The following CADPS2 variants were observed in gnomAD, a reference collection of about 807,000 sequenced individuals.
The protein encoded by CADPS2 is calcium-dependent secretion activator 2.
CADPS2 carries 93 observed loss-of-function variants against 172.5 expected under a neutral mutation model. The observed-to-expected ratio is 0.54, with a 90% CI of 0.46 to 0.64. CADPS2 has a LOEUF of 0.64. Among genes scored for constraint, CADPS2 ranks in the 30% least tolerant of loss-of-function variants. CADPS2 has a pLI of 0.00. For missense variants in CADPS2, 1,420 were observed against 1,565.9 expected (o/e 0.91, Z 1.57); for synonymous variants, 546 against 555.2 (o/e 0.98, Z 0.23).
chr7:122,389,907 AT>A (rs931112975), intron 22 of CADPS2, among the ~76,000 whole-genome samples: 1 of 152,094 alleles, frequency 6.6e-6, no homozygotes, highest in Admixed American at 6.6e-5. Context: ...TTAAAAAAAA[AT>A]AAATTGTTTA....
At chr7:122,708,520 GATATATATATATATATATATATATATAT>G (rs57522086) in intron 2 of CADPS2, among the ~76,000 whole-genome samples, 69,131 of 116,522 alleles carry the variant, frequency 0.59, 20,537 homozygotes, top group Middle Eastern at 0.75. Flanking sequence ...TTGTATTCGA[GATATATATATATATATATATATATATAT>G]ATATATATAT....
chr7:122,464,034 CAT>C lies in CADPS2; in HGVS notation c.2186+7339_2186+7340del, dbSNP rs531120594. 1.6e-3 allele frequency among the ~76,000 whole-genome samples: 250 copies of C among 152,270 alleles called. 2 individuals carry two copies. The highest frequency in any genetic ancestry group is 5.5e-3 in the African/African-American group (228 of 41,558). ...GATTTTTCCAGCAGAAATAAACACACATGTCACCTAGATCTTGGTTTCTAAAT... is the reference window on the plus strand; with the variant it reads ...GATTTTTCCAGCAGAAATAAACACACGTCACCTAGATCTTGGTTTCTAAAT... On this transcript the variant is annotated intron_variant, in intron 14 of 29. Transcript: ENST00000449022.
chr7:122,554,470 T>C lies in CADPS2; in HGVS notation c.1475+80A>G, dbSNP rs141621216. On this transcript the variant is annotated intron_variant, in intron 8 of 29. Transcript: ENST00000449022. ...CCATGTGAAAGCCTGCTATACTGGTTCTCTCACTAAACTGACAAAAATAAT... is the reference window on the plus strand; with the variant it reads ...CCATGTGAAAGCCTGCTATACTGGTCCTCTCACTAAACTGACAAAAATAAT... 1.2e-3 allele frequency: 1,572 copies of C among 1,345,254 alleles called. 63 individuals carry two copies. The East Asian group carries it at 0.038, about 32-fold the overall frequency. The allele number at this position is 1,345,254 out of a possible 1,614,324, so 83.3% of individuals were successfully genotyped here.
intron 11 of CADPS2, among the ~76,000 whole-genome samples, chr7:122,484,905 C>T (rs1183110467): frequency 6.7e-6 from 1 of 148,928 alleles, no homozygotes; most frequent in Non-Finnish European, 1.5e-5. Flanking sequence ...TCATGACGTG[C>T]TCATATCATG....
intron 27 of CADPS2, among the ~76,000 whole-genome samples, chr7:122,360,583 T>A (rs1039397319): frequency 6.6e-6 from 1 of 152,322 alleles, no homozygotes; most frequent in Non-Finnish European, 1.5e-5. Flanking sequence ...ACTGATCTCC[T>A]TAAGAGTTTC....
Position 122,857,027 on chromosome 7 carries a change from T to C in CADPS2, c.339+28972A>G, listed in dbSNP as rs145569273. On this transcript the variant is annotated intron_variant, in intron 1 of 29. Transcript: ENST00000449022. ...CCTCTCCCCATAAGGTTTTTGCAGATATTCATCATGGCACAAATTATGATT... is the reference window on the plus strand; with the variant it reads ...CCTCTCCCCATAAGGTTTTTGCAGACATTCATCATGGCACAAATTATGATT... Among the ~76,000 whole-genome samples the C allele has an allele frequency of 3.2e-3, 486 of 152,318 alleles. 5 individuals carry two copies. The highest frequency in any genetic ancestry group is 0.011 in the African/African-American group (466 of 41,580).
chr7:122,418,577 T>C (rs1005272905), intron 17 of CADPS2, among the ~76,000 whole-genome samples: 6 of 152,194 alleles, frequency 3.9e-5, no homozygotes, highest in African/African-American at 1.4e-4. Flanking sequence ...GTGTCTGATA[T>C]GGATCCTGAG....
chr7:122,379,036 G>A (rs2042683569), intron 25 of CADPS2: 1 of 199,770 alleles, frequency 5.0e-6, no homozygotes, highest in Non-Finnish European at 1.0e-5. Context: ...CTAAATTCAA[G>A]GACTGATGAC....
chr7:122,414,676 G>A (rs2047682904), intron 18 of CADPS2, among the ~76,000 whole-genome samples: 1 of 152,132 alleles, frequency 6.6e-6, no homozygotes, highest in Admixed American at 6.5e-5. Flanking sequence ...CACAGTGTGA[G>A]CTAAAAGCAG....
intron 17 of CADPS2, among the ~76,000 whole-genome samples, chr7:122,438,128 C>A (rs1444748470): frequency 6.6e-6 from 1 of 152,066 alleles, no homozygotes; most frequent in Non-Finnish European, 1.5e-5. Flanking sequence ...AAGCACGAAT[C>A]CTGGGTCTTT....
chr7:122,824,876 T>C (rs1282923213), intron 1 of CADPS2, among the ~76,000 whole-genome samples: 1 of 152,204 alleles, frequency 6.6e-6, no homozygotes, highest in East Asian at 1.9e-4. Flanking sequence ...TAGTTTTATC[T>C]TTCTCCATAT....
chr7:122,607,419 C>T (rs559506622), intron 6 of CADPS2, among the ~76,000 whole-genome samples: 7 of 152,074 alleles, frequency 4.6e-5, no homozygotes, highest in African/African-American at 7.2e-5. Context: ...AAATTTAGAC[C>T]ACTCACTAAT....
intron 1 of CADPS2, among the ~76,000 whole-genome samples, chr7:122,780,481 T>C (rs17144859): frequency 0.23 from 34,934 of 151,976 alleles, 4,464 homozygotes; most frequent in African/African-American, 0.34. Flanking sequence ...ATACATCTAA[T>C]ATTAATACCT....
At chr7:122,634,531 C>A (rs1373039824) in intron 3 of CADPS2, among the ~76,000 whole-genome samples, 1 of 152,028 alleles carries the variant, frequency 6.6e-6, no homozygotes, top group Non-Finnish European at 1.5e-5. Context: ...CCATCTTTGT[C>A]ATTTCTGGTT....
chr7:122,512,041 A>G (rs2060039165), intron 9 of CADPS2, among the ~76,000 whole-genome samples: 1 of 152,114 alleles, frequency 6.6e-6, no homozygotes, highest in Non-Finnish European at 1.5e-5. Flanking sequence ...TCTTTTATTA[A>G]AGTTGACCAA....
Position 122,532,550 on chromosome 7 carries a change from C to T in CADPS2, c.1476-19235G>A, listed in dbSNP as rs562660004. On this transcript the variant is annotated intron_variant, in intron 8 of 29. Transcript: ENST00000449022. ...TCTCCCCACCCCCACCCCCCTACCC[C>T]GCCAACCCCACAACCTCCCAGAGTT... Among the ~76,000 whole-genome samples, 618 of 147,196 alleles carry T rather than the reference C, an allele frequency of 4.2e-3. 5 individuals are homozygous for T. The highest frequency in any genetic ancestry group is 0.014 in the Middle Eastern group (4 of 276).
chr7:122,342,621 C>G (rs1177115737), intron 28 of CADPS2, among the ~76,000 whole-genome samples: 1 of 152,140 alleles, frequency 6.6e-6, no homozygotes, highest in African/African-American at 2.4e-5. Context: ...TGTGGCATTT[C>G]CAAAACTAAG....
chr7:122,784,283 T>C (rs1793496604), intron 1 of CADPS2, among the ~76,000 whole-genome samples: 1 of 152,228 alleles, frequency 6.6e-6, no homozygotes, highest in Non-Finnish European at 1.5e-5. Flanking sequence ...TTCAGGTCGT[T>C]GGGTACTGTT....
intron 3 of CADPS2, among the ~76,000 whole-genome samples, chr7:122,658,684 A>G (rs1217105279): frequency 6.6e-6 from 1 of 152,172 alleles, no homozygotes; most frequent in Non-Finnish European, 1.5e-5. Flanking sequence ...GAATTGAACA[A>G]TGAGAACACG....
Sources: gnomAD v4.1 joint callset for allele counts (sites outside exome capture counted in the v4.1 genomes callset) on GRCh38, gnomAD v4.1.1 for gene constraint, MANE v1.5 for transcripts, NCBI Gene and HGNC (gene_info 2026-07-23, HGNC 2026-07-21) for gene names.